SLC30A8: variants seen among roughly 807,000 people sequenced by gnomAD.
SLC30A8 encodes the protein solute carrier family 30 member 8, also known as proton-coupled zinc antiporter SLC30A8.
SLC30A8 carries 27 observed loss-of-function variants against 36.9 expected under a neutral mutation model. The ratio of observed to expected loss-of-function variants is 0.73; its 90% CI spans 0.54 to 1.01. The LOEUF (loss-of-function observed/expected upper bound fraction) is 1.01, where lower values mean the gene tolerates loss of function less well. Among genes scored for constraint, SLC30A8 ranks in the 50% least tolerant of loss-of-function variants. SLC30A8 has a pLI of 0.00. For synonymous variants in SLC30A8, 164 were observed against 172.4 expected (o/e 0.95, Z 0.38); for missense variants, 439 against 452.0 (o/e 0.97, Z 0.26).
intron 1 of SLC30A8, among the ~76,000 whole-genome samples, chr8:116,957,719 T>G (rs997361870): frequency 6.6e-6 from 1 of 152,196 alleles, no homozygotes; most frequent in African/African-American, 2.4e-5. Flanking sequence ...AGGATCATTC[T>G]TGCTGAATGG....
intron 1 of SLC30A8, among the ~76,000 whole-genome samples, chr8:116,974,859 A>G (rs559506864): frequency 6.6e-6 from 1 of 152,202 alleles, no homozygotes; most frequent in East Asian, 1.9e-4. Context: ...ATGCAGTCAT[A>G]AAAAGGATGA....
chr8:117,143,015 T>G (rs1821728353), intron 1 of SLC30A8, among the ~76,000 whole-genome samples: 1 of 152,154 alleles, frequency 6.6e-6, no homozygotes, highest in Admixed American at 6.5e-5. Flanking sequence ...ACAGGAATAG[T>G]GATTTGAGGT....
chr8:117,049,334 C>T (rs144032628), intron 2 of SLC30A8, among the ~76,000 whole-genome samples: 2 of 152,298 alleles, frequency 1.3e-5, no homozygotes, highest in Admixed American at 6.5e-5. Context: ...TAGATGTATA[C>T]GTAGTTACAG....
At chr8:117,090,800 T>A (rs1356831361) in intron 2 of SLC30A8, among the ~76,000 whole-genome samples, 1 of 152,188 alleles carries the variant, frequency 6.6e-6, no homozygotes, top group Non-Finnish European at 1.5e-5. Context: ...CAGCCATACT[T>A]AGCTCTCTGT....
At chr8:117,146,609 C>G (rs1369130692) in intron 1 of SLC30A8, among the ~76,000 whole-genome samples, 2 of 152,136 alleles carry the variant, frequency 1.3e-5, no homozygotes, top group Non-Finnish European at 2.9e-5. Flanking sequence ...TTTTTTGTAG[C>G]ACAGTGTCCA....
At chr8:117,108,974 C>T (rs184757574) in intron 2 of SLC30A8, among the ~76,000 whole-genome samples, 3 of 152,324 alleles carry the variant, frequency 2.0e-5, no homozygotes, top group Non-Finnish European at 2.9e-5. Context: ...TGCTCTCTGG[C>T]AGGCTTTTCT....
At chr8:117,157,629 G>C in intron 3 of SLC30A8, 62 bp from the exon 4 acceptor site, 2 of 1,583,404 alleles carry the variant, frequency 1.3e-6, no homozygotes, top group Non-Finnish European at 1.7e-6. Context: ...GACTCTTGGG[G>C]GTGTAGGTGT....
chr8:117,171,028 T>G lies in SLC30A8; in HGVS notation c.830-6T>G, dbSNP rs1823352691. 2.5e-6 allele frequency: 4 copies of G among 1,582,246 alleles called. No individual in the cohort carries two copies. The highest frequency in any genetic ancestry group is 2.7e-5 in the African/African-American group (2 of 73,846). Reference sequence around the variant, plus strand: ...ACTACAGCCTCCATCTCTTCCCTTTTGTCAGGTGTGCCAAAGAGCCTGAAT... The same window carrying G: ...ACTACAGCCTCCATCTCTTCCCTTTGGTCAGGTGTGCCAAAGAGCCTGAAT... On this transcript the variant is annotated splice_region_variant and splice_polypyrimidine_tract_variant and intron_variant, in intron 6 of 7. Transcript: ENST00000456015.
intron 1 of SLC30A8, among the ~76,000 whole-genome samples, chr8:117,029,065 G>A (rs1370409650): frequency 6.6e-6 from 1 of 152,080 alleles, no homozygotes; most frequent in Non-Finnish European, 1.5e-5. Flanking sequence ...CTAAGTAAAG[G>A]TAAAACTTCT....
intron 1 of SLC30A8, among the ~76,000 whole-genome samples, chr8:116,994,475 C>G (rs1218226052): frequency 6.6e-6 from 1 of 152,072 alleles, no homozygotes; most frequent in Non-Finnish European, 1.5e-5. Context: ...AAAATTACAA[C>G]TACACATTTC....
chr8:117,096,058 C>G (rs1247614493), intron 2 of SLC30A8, among the ~76,000 whole-genome samples: 1 of 152,160 alleles, frequency 6.6e-6, no homozygotes, highest in East Asian at 1.9e-4. Context: ...CATCATCTTT[C>G]TCTCACACCA....
intron 1 of SLC30A8, among the ~76,000 whole-genome samples, chr8:117,038,076 C>T (rs1226777095): frequency 6.6e-6 from 1 of 152,074 alleles, no homozygotes; most frequent in South Asian, 2.1e-4. Flanking sequence ...CATCCTGAGG[C>T]CGAATGTGGT....
intron 1 of SLC30A8, among the ~76,000 whole-genome samples, chr8:117,027,873 T>G (rs1189004175): frequency 1.3e-5 from 2 of 152,222 alleles, no homozygotes; most frequent in African/African-American, 4.8e-5. Flanking sequence ...TAAATCCTAA[T>G]TCTGTCATTT....
chr8:116,980,990 A>G (rs1815233490), intron 1 of SLC30A8, among the ~76,000 whole-genome samples: 2 of 152,216 alleles, frequency 1.3e-5, no homozygotes. Context: ...GCATAAAACA[A>G]CAACCATTTT....
At chr8:117,091,128 G>A (rs992778661) in intron 2 of SLC30A8, among the ~76,000 whole-genome samples, 1 of 151,926 alleles carries the variant, frequency 6.6e-6, no homozygotes, top group East Asian at 1.9e-4. Context: ...CTGCTCCTGA[G>A]GCAAAATCAC....
intron 1 of SLC30A8, among the ~76,000 whole-genome samples, chr8:116,997,386 G>A (rs964312300): frequency 6.6e-6 from 1 of 152,018 alleles, no homozygotes; most frequent in Admixed American, 6.5e-5. Context: ...ACATTTTCCT[G>A]TCCTCTATTA....
At chr8:117,015,762 G>A (rs1459513078) in intron 1 of SLC30A8, among the ~76,000 whole-genome samples, 4 of 152,122 alleles carry the variant, frequency 2.6e-5, no homozygotes, top group Non-Finnish European at 5.9e-5. Flanking sequence ...GTAGTAAGCA[G>A]AAAATAATAA....
intron 6 of SLC30A8, among the ~76,000 whole-genome samples, chr8:117,170,734 T>C (rs920722517): frequency 2.0e-5 from 3 of 152,122 alleles, no homozygotes; most frequent in African/African-American, 7.2e-5. Flanking sequence ...CTTTCCAGAG[T>C]GTATATAAAG....
chr8:117,160,640 C>T (rs763228050), intron 4 of SLC30A8, among the ~76,000 whole-genome samples: 3 of 152,120 alleles, frequency 2.0e-5, no homozygotes, highest in South Asian at 2.1e-4. Flanking sequence ...TGAATGACAA[C>T]GTGATGAACA....
Sources: allele counts gnomAD v4.1 joint callset (sites outside exome capture counted in the v4.1 genomes callset), GRCh38; gene constraint gnomAD v4.1.1; transcripts MANE v1.5; gene names NCBI Gene and HGNC (gene_info 2026-07-23, HGNC 2026-07-21).